Variants in COL23A1 observed in about 807,000 individuals in gnomAD.
COL23A1 encodes collagen type XXIII alpha 1 chain, also known as collagen alpha-1(XXIII) chain.
Under a neutral mutation model 99.3 loss-of-function variants are expected in COL23A1, and 97 were observed. The ratio of observed to expected loss-of-function variants is 0.98; its 90% CI spans 0.83 to 1.16. The LOEUF (loss-of-function observed/expected upper bound fraction) is 1.16, where lower values mean the gene tolerates loss of function less well. Among genes scored for constraint, COL23A1 ranks in the 50% most tolerant of loss-of-function variants. The pLI is 0.00. For synonymous variants in COL23A1, 320 were observed against 308.2 expected, an observed-to-expected ratio of 1.04 and a Z score of -0.40; for missense variants, 762 against 757.4, an observed-to-expected ratio of 1.01 and a Z score of -0.07.
At chr5:178,304,505 C>CAAAAAAA (rs35806686) in intron 3 of COL23A1, among the ~76,000 whole-genome samples, 1 of 32,220 alleles carries the variant, frequency 3.1e-5, no homozygotes, top group Non-Finnish European at 7.1e-5. Context: ...GCGACTGTCT[C>CAAAAAAA]AAAAAAAAAA....
chr5:178,248,185 C>T lies in COL23A1; in HGVS notation c.1212+7G>A. On this transcript the variant is annotated splice_region_variant and intron_variant, in intron 20 of 28. Coordinates refer to ENST00000390654, the MANE Select transcript of COL23A1 (RefSeq NM_173465.4). ...GGGGAAGCCCTGACCCCCCCATACCCCCTTACCAGGCTCTCCTGTAGGCTG... is the reference window on the plus strand; with the variant it reads ...GGGGAAGCCCTGACCCCCCCATACCTCCTTACCAGGCTCTCCTGTAGGCTG... 9 of 1,587,206 alleles carry T rather than the reference C, an allele frequency of 5.7e-6. No homozygotes were observed. The highest frequency in any genetic ancestry group is 7.8e-6 in the Non-Finnish European group (9 of 1,156,850).
chr5:178,571,370 C>CAATA (rs1262240263), intron 1 of COL23A1, among the ~76,000 whole-genome samples: 1 of 151,690 alleles, frequency 6.6e-6, no homozygotes, highest in African/African-American at 2.4e-5. Flanking sequence ...GACTCAGTCT[C>CAATA]AATAAATAAA....
intron 2 of COL23A1, among the ~76,000 whole-genome samples, chr5:178,353,334 T>C (rs762229267): frequency 6.6e-6 from 1 of 152,130 alleles, no homozygotes; most frequent in Non-Finnish European, 1.5e-5. Flanking sequence ...TCAGAGGCCA[T>C]AAAAGACTGA....
chr5:178,463,910 CAG>C (rs1208064775), intron 2 of COL23A1, among the ~76,000 whole-genome samples: 5 of 152,146 alleles, frequency 3.3e-5, no homozygotes, highest in Admixed American at 6.5e-5. Context: ...CCTGGGCGTG[CAG>C]AGACCTCAGG....
intron 1 of COL23A1, chr5:178,562,743 G>GC (rs1554197592): frequency 7.0e-6 from 1 of 143,282 alleles, no homozygotes; most frequent in Non-Finnish European, 1.5e-5. Flanking sequence ...TGGTGGGGGG[G>GC]GTGCGGGCTT....
intron 2 of COL23A1, among the ~76,000 whole-genome samples, chr5:178,358,300 G>GCGTGTGTGTA (rs1268040352): frequency 4.8e-5 from 7 of 145,660 alleles, no homozygotes; most frequent in African/African-American, 1.8e-4. Context: ...GTATATGTAT[G>GCGTGTGTGTA]TATGTATGTG....
intron 2 of COL23A1, among the ~76,000 whole-genome samples, chr5:178,469,772 A>T (rs1225597521): frequency 6.6e-6 from 1 of 152,096 alleles, no homozygotes; most frequent in Non-Finnish European, 1.5e-5. Context: ...GATAACCAGA[A>T]TCGGTCGTGG....
intron 5 of COL23A1, among the ~76,000 whole-genome samples, chr5:178,278,382 A>G (rs565599394): frequency 1.1e-3 from 167 of 152,068 alleles, no homozygotes; most frequent in African/African-American, 3.9e-3. Context: ...ACTGGTTGAA[A>G]CCCTTAAAAA....
chr5:178,518,449 C>T (rs1195759626), intron 2 of COL23A1, among the ~76,000 whole-genome samples: 63 of 150,686 alleles, frequency 4.2e-4, no homozygotes, highest in Non-Finnish European at 8.6e-4. Context: ...GGCAGAGGGG[C>T]TCCTCACTTC....
At chr5:178,447,480 T>C (rs1163558297) in intron 2 of COL23A1, among the ~76,000 whole-genome samples, 1 of 152,210 alleles carries the variant, frequency 6.6e-6, no homozygotes, top group Admixed American at 6.5e-5. Context: ...ACTGCACTTT[T>C]TCTATGTTTA....
chr5:178,252,631 G>A (rs750600994), intron 16 of COL23A1, 34 bp from the exon 17 acceptor site: 10 of 1,580,152 alleles, frequency 6.3e-6, no homozygotes, highest in Non-Finnish European at 8.6e-6. Flanking sequence ...CAGTGTCATG[G>A]GTTAGGCAGG....
At chr5:178,341,817 C>A (rs543334229) in intron 2 of COL23A1, among the ~76,000 whole-genome samples, 2 of 152,210 alleles carry the variant, frequency 1.3e-5, no homozygotes, top group Non-Finnish European at 2.9e-5. Flanking sequence ...CAGGACCTGA[C>A]CCTTGGCTCT....
chr5:178,550,569 T>C (rs1242460550), intron 2 of COL23A1, among the ~76,000 whole-genome samples: 1 of 152,214 alleles, frequency 6.6e-6, no homozygotes, highest in Non-Finnish European at 1.5e-5. Flanking sequence ...TTTTAAAAAG[T>C]GATGTATCGT....
intron 14 of COL23A1, among the ~76,000 whole-genome samples, chr5:178,256,615 G>A (rs1765314159): frequency 6.6e-6 from 1 of 152,210 alleles, no homozygotes; most frequent in Non-Finnish European, 1.5e-5. Context: ...TGGGGACGCT[G>A]GTGTCCAGGA....
chr5:178,361,135 T>G lies in COL23A1; in HGVS notation c.362-54216A>C, dbSNP rs184952081. Among the ~76,000 whole-genome samples, 767 of 152,320 alleles carry G rather than the reference T, an allele frequency of 5.0e-3. 6 individuals are homozygous for G. The highest frequency in any genetic ancestry group is 7.0e-3 in the Non-Finnish European group (475 of 68,024). Reference sequence around the variant, plus strand: ...CCATGTTTTTAAAAAACATTTTTTCTTTAAACTTTCTTACTTAAATAAAAT... The same window carrying G: ...CCATGTTTTTAAAAAACATTTTTTCGTTAAACTTTCTTACTTAAATAAAAT... On this transcript the variant is annotated intron_variant, in intron 2 of 28. Coordinates refer to ENST00000390654, the MANE Select transcript of COL23A1 (RefSeq NM_173465.4).
chr5:178,351,987 T>C (rs1231633084), intron 2 of COL23A1: 2 of 152,234 alleles, frequency 1.3e-5, no homozygotes, highest in Non-Finnish European at 2.9e-5. Flanking sequence ...AATGACACCT[T>C]GGTCTTGGAT....
At chr5:178,312,480 C>T (rs57233257) in intron 2 of COL23A1, among the ~76,000 whole-genome samples, 3,713 of 152,246 alleles carry the variant, frequency 0.024, 149 homozygotes, top group African/African-American at 0.085. Flanking sequence ...GGAGAACTCA[C>T]GCCGCTGATC....
intron 2 of COL23A1, among the ~76,000 whole-genome samples, chr5:178,526,524 G>A (rs1341967639): frequency 1.3e-5 from 2 of 152,174 alleles, no homozygotes; most frequent in Non-Finnish European, 2.9e-5. Flanking sequence ...GGGCATCTGC[G>A]GCTCCTGAAA....
chr5:178,547,691 CCA>C (rs1229438215), intron 2 of COL23A1, among the ~76,000 whole-genome samples: 1 of 33,748 alleles, frequency 3.0e-5, no homozygotes, highest in Non-Finnish European at 5.6e-5. Flanking sequence ...CCCCACACAC[CCA>C]CACACACACC....
Sources: allele counts gnomAD v4.1 joint callset (sites outside exome capture counted in the v4.1 genomes callset), GRCh38; gene constraint gnomAD v4.1.1; transcripts MANE v1.5; gene names NCBI Gene and HGNC (gene_info 2026-07-23, HGNC 2026-07-21).